SYNE2: variants seen among roughly 807,000 people sequenced by gnomAD.
The protein encoded by SYNE2 is spectrin repeat containing nuclear envelope protein 2.
A neutral mutation model predicts 856.3 loss-of-function variants in SYNE2; 431 were observed. The ratio of observed to expected loss-of-function variants is 0.50; its 90% CI spans 0.47 to 0.55. The LOEUF is 0.55. Ranked by LOEUF, SYNE2 falls within the 20% of genes least tolerant of loss-of-function variation. SYNE2 has a pLI of 0.00. For synonymous variants in SYNE2, 2,923 were observed against 2,872.3 expected (o/e 1.02, Z -0.56); for missense variants, 8,129 against 8,023.2 (o/e 1.01, Z -0.50).
chr14:64,024,809 T>G, intron 39 of SYNE2, 103 bp from the exon 40 acceptor site: 1 of 1,188,812 alleles, frequency 8.4e-7, no homozygotes, highest in South Asian at 1.4e-5. Flanking sequence ...ATAACAAACA[T>G]ATTATAAAAA....
intron 49 of SYNE2, among the ~76,000 whole-genome samples, chr14:64,060,956 C>G (rs972902731): frequency 6.6e-6 from 1 of 152,196 alleles, no homozygotes; most frequent in Non-Finnish European, 1.5e-5. Context: ...TTCCCTCCCC[C>G]ACGTGCACGG....
At chr14:64,055,312 T>C (rs2097259699) in intron 48 of SYNE2, among the ~76,000 whole-genome samples, 2 of 152,170 alleles carry the variant, frequency 1.3e-5, no homozygotes, top group Admixed American at 1.3e-4. Flanking sequence ...ATAGACATTA[T>C]TCTTGAGATG....
chr14:64,034,406 A>G (rs776078176), intron 45 of SYNE2: 1 of 425,840 alleles, frequency 2.3e-6, no homozygotes, highest in Non-Finnish European at 4.2e-6. Flanking sequence ...AGAGGCTTTT[A>G]TCAGATTATT....
In SYNE2 at chr14:64,126,421, T is replaced by G; in HGVS notation, c.13649T>G (p.Met4550Arg). Residue 4550 changes from methionine (M) to arginine (R), a missense_variant, in exon 72 of 116, where the codon ATG becomes AGG. Transcript: ENST00000555002. Reference protein sequence around the residue: ...LSQCLSSVEEMLEMPRLYRED... With the variant: ...LSQCLSSVEERLEMPRLYRED... ...CAGTGCCTCAGCAGTGTGGAGGAGA[T>G]GCTGGAGATGCCCAGACTTTACAGG... The G allele has an allele frequency of 6.2e-7, 1 of 1,614,204 alleles. No homozygotes were observed. Among genetic ancestry groups the G allele is most frequent in the South Asian group, 1.1e-5 (1 of 91,080 alleles).
chr14:64,048,031 A>G lies in SYNE2; in HGVS notation c.7253A>G (p.Gln2418Arg). The change falls in exon 46 of 116, where the codon CAA becomes CGA. Residue 2418 changes from glutamine to arginine, a missense_variant. Around this residue, in one of 3 missense-constraint regions of SYNE2, gnomAD observed 5,410 missense variants for 5,284.8 expected, o/e 1.02. Coordinates refer to ENST00000555002, the MANE Select transcript of SYNE2 (RefSeq NM_182914.3). ...DSAVEMAMSK[Q>R]LSLNAQESMK... The stretch of plus-strand genomic sequence containing the variant: ...GCTGTGGAAATGGCTATGTCAAAAC[A>G]ACTTTCTCTTAATGCTCAAGAAAGC... 6.2e-7 allele frequency: 1 copy of G among 1,613,910 alleles called. No individual in the cohort carries two copies.
rs2098629144 is a variant in SYNE2 at position 64,209,520 on chromosome 14, G to A, written c.18482G>A (p.Cys6161Tyr). The A allele has an allele frequency of 1.2e-6, 2 of 1,614,232 alleles. No individual in the cohort carries two copies. The highest frequency in any genetic ancestry group is 2.2e-5 in the East Asian group (1 of 44,890). ...WLKSAERTAA[C>Y]PNSSEVLYTS... Reference sequence around the variant, plus strand: ...AAGTCAGCTGAGAGGACGGCAGCCTGCCCAAATTCCTCAGAGGTGTTGTAC... The same window carrying A: ...AAGTCAGCTGAGAGGACGGCAGCCTACCCAAATTCCTCAGAGGTGTTGTAC... The change falls in exon 102 of 116, where the codon TGC becomes TAC. Residue 6161 changes from cysteine (C) to tyrosine (Y), a missense_variant. Transcript: ENST00000555002.
At chr14:64,034,459 T>C (rs2097069646) in intron 45 of SYNE2, 1 of 468,388 alleles carries the variant, frequency 2.1e-6, no homozygotes, top group Admixed American at 3.6e-5. Context: ...TTTTATTTCT[T>C]TTACTTTTTC....
rs2149766 is a variant in SYNE2 at position 64,219,124 on chromosome 14, T to A, written c.19658-84T>A. ...TTTTTGTTTTTTTTTTTTTTTTTTT[T>A]AACCACCCTGACCCCTAATTAGCTG... On this transcript the variant is annotated intron_variant, in intron 109 of 115. Transcript: ENST00000555002. The A allele has an allele frequency of 9.6e-3, 8,103 of 844,298 alleles. 75 individuals are homozygous for A. The highest frequency in any genetic ancestry group is 0.014 in the South Asian group (875 of 63,978). The allele number at this position is 844,298 out of a possible 1,614,324, so 52.3% of individuals were successfully genotyped here.
At chr14:63,937,469 T>A (rs61984073) in intron 2 of SYNE2, among the ~76,000 whole-genome samples, 103,327 of 152,042 alleles carry the variant, frequency 0.68, 35,374 homozygotes, top group South Asian at 0.77. Flanking sequence ...TTGGCTTTAG[T>A]TCTGAGCAAG....
chr14:63,768,467 G>A (rs182590819), intron 1 of SYNE2, among the ~76,000 whole-genome samples: 8 of 152,126 alleles, frequency 5.3e-5, no homozygotes, highest in African/African-American at 1.9e-4. Context: ...TTAATGGCAG[G>A]GACTTTGTCA....
chr14:63,980,822 T>C, intron 15 of SYNE2, 90 bp downstream of exon 15: 1 of 1,164,414 alleles, frequency 8.6e-7, no homozygotes. Context: ...GTTTTAGAAA[T>C]TAGTTTTATG....
intron 51 of SYNE2, 102 bp downstream of exon 51, chr14:64,065,752 T>C (rs538545124): frequency 6.1e-6 from 8 of 1,313,124 alleles, no homozygotes; most frequent in Non-Finnish European, 8.6e-6. Context: ...CCTTAGCCTA[T>C]ACCATTTGTG....
rs1469770276 is a variant in SYNE2 at position 64,049,759 on chromosome 14, T to C, written c.7526T>C (p.Ile2509Thr). 5 of 1,614,054 alleles carry C rather than the reference T, an allele frequency of 3.1e-6. No homozygotes were observed. Among genetic ancestry groups the C allele is most frequent in the South Asian group, 1.1e-5 (1 of 91,086 alleles). Residue 2509 changes from isoleucine to threonine, a missense_variant, in exon 47 of 116, where the codon ATT (isoleucine) becomes ACT (threonine). Ile to Thr is a moderately conservative substitution (Grantham distance 89, BLOSUM62 -1). Around this residue, in one of 3 missense-constraint regions of SYNE2, gnomAD observed 5,410 missense variants for 5,284.8 expected, o/e 1.02. Coordinates refer to ENST00000555002, the MANE Select transcript of SYNE2 (RefSeq NM_182914.3). ...TTGGACAATTTGCTTCAGGCACTTATTACTTTGAAGAAAAACAAAGAAAGC... is the reference window on the plus strand; with the variant it reads ...TTGGACAATTTGCTTCAGGCACTTACTACTTTGAAGAAAAACAAAGAAAGC... ...QHLDNLLQALITLKKNKESQY... is the reference protein window; with the variant it reads ...QHLDNLLQALTTLKKNKESQY...
At chr14:64,047,368 C>A (rs1226418656) in intron 45 of SYNE2, among the ~76,000 whole-genome samples, 1 of 152,084 alleles carries the variant, frequency 6.6e-6, no homozygotes, top group African/African-American at 2.4e-5. Flanking sequence ...GTGTAGAAAA[C>A]CAATTAGGAA....
chr14:64,186,560 G>T lies in SYNE2; in HGVS notation c.17693G>T (p.Trp5898Leu). ...CAAATAGAGCATTTGCACAGACAAT[G>T]GGAGGACCTCTGCTTAAGGGTAAGT... ...KEQIEHLHRQ[W>L]EDLCLRVAIR... The change falls in exon 97 of 116, where the codon TGG (tryptophan) becomes TTG (leucine). Residue 5898 changes from tryptophan (W) to leucine (L), a missense_variant. By Grantham distance (61) the Trp-to-Leu change is moderately conservative. Around this residue, in one of 3 missense-constraint regions of SYNE2, gnomAD observed 5,410 missense variants for 5,284.8 expected, o/e 1.02. Coordinates refer to ENST00000555002, the MANE Select transcript of SYNE2 (RefSeq NM_182914.3). The T allele has an allele frequency of 6.2e-7, 1 of 1,614,180 alleles. No individual in the cohort carries two copies. The highest frequency in any genetic ancestry group is 8.5e-7 in the Non-Finnish European group (1 of 1,180,024).
At chr14:64,007,838 C>G (rs2096810121) in intron 31 of SYNE2, among the ~76,000 whole-genome samples, 1 of 152,108 alleles carries the variant, frequency 6.6e-6, no homozygotes, top group South Asian at 2.1e-4. Flanking sequence ...TGGCAAAACC[C>G]CATCTCTAAA....
intron 58 of SYNE2, among the ~76,000 whole-genome samples, chr14:64,088,568 T>G (rs1388062851): frequency 1.3e-5 from 2 of 152,164 alleles, no homozygotes; most frequent in African/African-American, 4.8e-5. Flanking sequence ...CACAGGAGTT[T>G]GAGACCTGCC....
chr14:63,836,990 C>T (rs1270343453), intron 1 of SYNE2, among the ~76,000 whole-genome samples: 1 of 152,086 alleles, frequency 6.6e-6, no homozygotes, highest in Non-Finnish European at 1.5e-5. Context: ...TTTATCAATC[C>T]ATTCTTTCAT....
intron 2 of SYNE2, among the ~76,000 whole-genome samples, chr14:63,918,074 C>T (rs1374520121): frequency 6.6e-6 from 1 of 151,982 alleles, no homozygotes; most frequent in East Asian, 1.9e-4. Context: ...TTTAATTAGC[C>T]CCATGAGATA....
Sources: gnomAD v4.1 joint callset for allele counts (sites outside exome capture counted in the v4.1 genomes callset) on GRCh38, gnomAD v4.1.1 for gene constraint, gnomAD v4.1.1 regional missense constraint, MANE v1.5 for transcripts, NCBI Gene and HGNC (gene_info 2026-07-23, HGNC 2026-07-21) for gene names.